The following NEDD4 variants were observed in gnomAD, a reference collection of about 807,000 sequenced individuals.
The protein encoded by NEDD4 is E3 ubiquitin-protein ligase NEDD4.
Under a neutral mutation model 144.9 loss-of-function variants are expected in NEDD4, and 99 were observed. That is an observed-to-expected ratio of 0.68 (90% CI 0.58 to 0.81). NEDD4 has a LOEUF of 0.81. Ranked by LOEUF, NEDD4 falls within the 30% of genes least tolerant of loss-of-function variation. NEDD4 has a pLI of 0.00. For synonymous variants in NEDD4, 318 were observed against 350.6 expected, an observed-to-expected ratio of 0.91 and a Z score of 1.04; for missense variants, 985 against 1,065.9, an observed-to-expected ratio of 0.92 and a Z score of 1.06.
intron 1 of NEDD4, among the ~76,000 whole-genome samples, chr15:55,976,779 C>A (rs1257681088): frequency 6.2e-5 from 9 of 144,914 alleles, no homozygotes; most frequent in Admixed American, 5.7e-4. Flanking sequence ...CAGGCGCCCG[C>A]CACCACACCT....
chr15:55,895,750 G>A (rs2035719502), intron 5 of NEDD4, among the ~76,000 whole-genome samples: 2 of 152,196 alleles, frequency 1.3e-5, no homozygotes, highest in African/African-American at 4.8e-5. Flanking sequence ...TTCAGTGTCT[G>A]GAGAAACCAG....
chr15:55,905,508 C>CT (rs1434082198), intron 5 of NEDD4, among the ~76,000 whole-genome samples: 1 of 152,122 alleles, frequency 6.6e-6, no homozygotes, highest in African/African-American at 2.4e-5. Context: ...ATAACAATAA[C>CT]AACAGCAAAG....
At chr15:55,900,046 TG>T (rs757917244) in intron 5 of NEDD4, among the ~76,000 whole-genome samples, 5 of 151,836 alleles carry the variant, frequency 3.3e-5, no homozygotes, top group Non-Finnish European at 7.4e-5. Context: ...CACACCACAC[TG>T]TGTTCAGAAT....
intron 11 of NEDD4, among the ~76,000 whole-genome samples, chr15:55,859,494 G>T (rs2034319438): frequency 6.6e-6 from 1 of 152,158 alleles, no homozygotes; most frequent in Non-Finnish European, 1.5e-5. Flanking sequence ...AGGAGTTCAA[G>T]ACTAGCCTGG....
At chr15:55,937,541 A>G (rs1255734206) in intron 4 of NEDD4, among the ~76,000 whole-genome samples, 1 of 152,206 alleles carries the variant, frequency 6.6e-6, no homozygotes, top group African/African-American at 2.4e-5. Context: ...CCCAAAAATG[A>G]AGTAAATATT....
chr15:55,968,003 A>T lies in NEDD4; in HGVS notation c.46-1457T>A, dbSNP rs953509170. ...GGGTGACAGAGCAAGACCTTATTTT[A>T]AAAAATTTATAAAATATTGAAGAAT... On this transcript the variant is annotated intron_variant, in intron 1 of 28. Coordinates refer to ENST00000435532, the MANE Select transcript of NEDD4 (RefSeq NM_006154.4). Among the ~76,000 whole-genome samples the T allele has an allele frequency of 2.6e-5, 4 of 152,338 alleles. No homozygotes were observed. The East Asian group carries it at 5.8e-4, about 22-fold the overall frequency.
At chr15:55,958,514 G>A (rs2037374869) in intron 2 of NEDD4, among the ~76,000 whole-genome samples, 1 of 151,926 alleles carries the variant, frequency 6.6e-6, no homozygotes, top group African/African-American at 2.4e-5. Context: ...AAAATGAGTT[G>A]GGAAATGCCC....
At chr15:55,830,194 G>T (rs1296135091) in intron 28 of NEDD4, among the ~76,000 whole-genome samples, 195 bp from the exon 29 acceptor site, 10 of 152,172 alleles carry the variant, frequency 6.6e-5, no homozygotes, top group African/African-American at 2.4e-4. Flanking sequence ...GTGGAGTGCT[G>T]CCCCCACCAC....
chr15:55,981,078 G>A (rs1341607555), intron 1 of NEDD4, among the ~76,000 whole-genome samples: 2 of 146,804 alleles, frequency 1.4e-5, no homozygotes, highest in South Asian at 2.1e-4. Context: ...CACCTCTGTC[G>A]CCCAGGCTGG....
intron 17 of NEDD4, 112 bp downstream of exon 17, chr15:55,848,260 C>T (rs903064246): frequency 5.0e-5 from 48 of 956,566 alleles, no homozygotes; most frequent in African/African-American, 4.4e-4. Context: ...GAGGAGAGAA[C>T]GGCCAATGTG....
intron 4 of NEDD4, among the ~76,000 whole-genome samples, chr15:55,928,037 T>G (rs2036708428): frequency 6.6e-6 from 1 of 152,174 alleles, no homozygotes; most frequent in East Asian, 1.9e-4. Flanking sequence ...TTTTTTCCCT[T>G]CTCACTCTGT....
intron 5 of NEDD4, among the ~76,000 whole-genome samples, chr15:55,903,549 G>A (rs1891411262): frequency 6.6e-6 from 1 of 152,138 alleles, no homozygotes; most frequent in African/African-American, 2.4e-5. Context: ...CTGGGGCCGG[G>A]CAAGGTGGCT....
chr15:55,967,478 G>A (rs2037535025), intron 1 of NEDD4, among the ~76,000 whole-genome samples: 1 of 147,968 alleles, frequency 6.8e-6, no homozygotes. Context: ...GTGTGTGTAT[G>A]TGTGTGTATA....
intron 4 of NEDD4, among the ~76,000 whole-genome samples, chr15:55,943,981 T>C (rs1442799365): frequency 6.6e-6 from 1 of 152,068 alleles, no homozygotes; most frequent in African/African-American, 2.4e-5. Context: ...AGACACAGAG[T>C]CAAAGGAGAT....
chr15:55,866,064 C>A (rs1566920199), intron 8 of NEDD4, among the ~76,000 whole-genome samples: 2 of 151,844 alleles, frequency 1.3e-5, no homozygotes, highest in East Asian at 3.9e-4. Flanking sequence ...TAGGTGTGTA[C>A]TACCATCCCA....
intron 1 of NEDD4, among the ~76,000 whole-genome samples, chr15:55,975,145 G>A (rs890668061): frequency 6.6e-5 from 10 of 151,750 alleles, no homozygotes; most frequent in African/African-American, 2.2e-4. Context: ...CACCCACCTC[G>A]GCCTCTCAAA....
chr15:55,960,411 C>T (rs2102465), intron 2 of NEDD4, among the ~76,000 whole-genome samples: 45,292 of 152,072 alleles, frequency 0.3, 6,869 homozygotes, highest in South Asian at 0.37. Flanking sequence ...ATCTTTCTCT[C>T]GTGCTGGATG....
Position 55,833,094 on chromosome 15 carries a change from A to G in NEDD4, c.2441T>C (p.Met814Thr), listed in dbSNP as rs757594249. 2 of 1,609,606 alleles carry G rather than the reference A, an allele frequency of 1.2e-6. No homozygotes were observed. Among genetic ancestry groups the G allele is most frequent in the South Asian group, 2.2e-5 (2 of 91,000 alleles). The change falls in exon 27 of 29, where the codon ATG (methionine) becomes ACG (threonine). Residue 814 changes from methionine to threonine, a missense_variant. Physicochemically the swap from Met to Thr is moderately conservative, Grantham distance 81. Coordinates refer to ENST00000435532, the MANE Select transcript of NEDD4 (RefSeq NM_006154.4). Reference sequence around the variant, plus strand: ...TCTTATTCTTTTTTCTGAATCCATCATTAAAACAGCCTGAATAAGATAAAA... The same window carrying G: ...TCTTATTCTTTTTTCTGAATCCATCGTTAAAACAGCCTGAATAAGATAAAA... ...VIQWFWKAVL[M>T]MDSEKRIRLL...
chr15:55,989,239 A>T (rs931508290), intron 1 of NEDD4, among the ~76,000 whole-genome samples: 9 of 152,236 alleles, frequency 5.9e-5, no homozygotes, highest in Non-Finnish European at 1.2e-4. Flanking sequence ...CCGTCTCAAA[A>T]GTAAATACAT....
Sources: gnomAD v4.1 joint callset for allele counts (sites outside exome capture counted in the v4.1 genomes callset) on GRCh38, gnomAD v4.1.1 for gene constraint, MANE v1.5 for transcripts, NCBI Gene and HGNC (gene_info 2026-07-23, HGNC 2026-07-21) for gene names.